Variants in GTF2IRD1 observed in about 807,000 individuals in gnomAD.
GTF2IRD1 encodes GTF2I repeat domain containing 1, also known as general transcription factor II-I repeat domain-containing protein 1.
Under a neutral mutation model 113.2 loss-of-function variants are expected in GTF2IRD1, and 26 were observed. The ratio of observed to expected loss-of-function variants is 0.23; its 90% CI spans 0.17 to 0.32. The LOEUF is 0.32. Ranked by LOEUF, GTF2IRD1 falls within the 10% of genes least tolerant of loss-of-function variation. The pLI, the probability that GTF2IRD1 is intolerant of heterozygous loss-of-function variation, is 1.00. For missense variants in GTF2IRD1, 864 were observed against 1,280.8 expected, an observed-to-expected ratio of 0.67 and a Z score of 4.97; for synonymous variants, 484 against 529.1, an observed-to-expected ratio of 0.91 and a Z score of 1.17.
chr7:74,481,069 C>A (rs79769862), intron 1 of GTF2IRD1, among the ~76,000 whole-genome samples: 26,467 of 152,174 alleles, frequency 0.17, 3,275 homozygotes, highest in African/African-American at 0.35. Context: ...CCTTTGCCCC[C>A]GCCTGGGGCC....
intron 5 of GTF2IRD1, among the ~76,000 whole-genome samples, chr7:74,519,093 A>T (rs1412493872): frequency 6.6e-6 from 1 of 152,210 alleles, no homozygotes; most frequent in Non-Finnish European, 1.5e-5. Context: ...GCCCCAGGCA[A>T]TGCAGAGGCA....
chr7:74,559,197 G>A (rs1799798834), intron 21 of GTF2IRD1, among the ~76,000 whole-genome samples, 153 bp downstream of exon 21: 2 of 152,160 alleles, frequency 1.3e-5, no homozygotes, highest in South Asian at 4.1e-4. Context: ...TGGTTGGAGA[G>A]GGACTGCAGG....
chr7:74,481,890 C>T (rs1265447061), intron 1 of GTF2IRD1, among the ~76,000 whole-genome samples: 2 of 152,218 alleles, frequency 1.3e-5, no homozygotes, highest in South Asian at 2.1e-4. Context: ...GTCACCAAAT[C>T]GCTTGGCTGG....
rs587673071 is a variant in GTF2IRD1 at position 74,559,750 on chromosome 7, G to T, written c.2320+95G>T. 8 of 1,061,014 alleles carry T rather than the reference G, an allele frequency of 7.5e-6. No individual in the cohort carries two copies. In the East Asian group the frequency reaches 1.8e-4, roughly 23 times the overall value. 65.7% of individuals were successfully genotyped at this position (1,061,014 alleles called of 1,614,324 possible). ...AGCCTGCTGTGGGGCACAGGTTCTGGGGTCTGGGAACAGAAGCCAGGCCCC... is the reference window on the plus strand; with the variant it reads ...AGCCTGCTGTGGGGCACAGGTTCTGTGGTCTGGGAACAGAAGCCAGGCCCC... On this transcript the variant is annotated intron_variant, in intron 22 of 26. Coordinates refer to ENST00000424337, the MANE Select transcript of GTF2IRD1 (RefSeq NM_005685.4).
intron 13 of GTF2IRD1, among the ~76,000 whole-genome samples, chr7:74,539,616 C>T (rs1437413518): frequency 1.3e-5 from 2 of 152,006 alleles, no homozygotes; most frequent in South Asian, 2.1e-4. Context: ...TGGTGGCTCA[C>T]GCCTGTAGTC....
chr7:74,600,899 G>T, intron 25 of GTF2IRD1, 145 bp from the exon 26 acceptor site: 1 of 805,890 alleles, frequency 1.2e-6, no homozygotes, highest in East Asian at 2.5e-5. Context: ...GGACAGGTGG[G>T]CCCTGACCCC....
chr7:74,555,907 G>A lies in GTF2IRD1; in HGVS notation c.2023+413G>A, dbSNP rs1208128347. 1.3e-5 allele frequency among the ~76,000 whole-genome samples: 2 copies of A among 152,146 alleles called. No homozygotes were observed. Among genetic ancestry groups the A allele is most frequent in the Admixed American group, 6.6e-5 (1 of 15,258 alleles). Reference sequence around the variant, plus strand: ...GAGGATCGCTTGAGGCTGGGAGCTCGAGACAAGCCTGGACAACATAGAACC... The same window carrying A: ...GAGGATCGCTTGAGGCTGGGAGCTCAAGACAAGCCTGGACAACATAGAACC... On this transcript the variant is annotated intron_variant, in intron 19 of 26. Transcript: ENST00000424337. This position sits in a 1 kb window ranked among gnomAD's most constrained non-coding sequence, Gnocchi z 5.3.
chr7:74,489,911 T>A (rs1230538523), intron 1 of GTF2IRD1, among the ~76,000 whole-genome samples: 1 of 151,884 alleles, frequency 6.6e-6, no homozygotes, highest in South Asian at 2.1e-4. Context: ...TAGCAGGGAG[T>A]GGGGCAGAGG....
At position 74,598,453 on chromosome 7, in the gene GTF2IRD1, C is replaced by CA. The variant is rs879955129; in HGVS notation, c.2630-2578dup. Reference sequence around the variant, plus strand: ...GTGAAACCTTGTCTCTACTAAAATCCAAAAAAAAAAAAATTAGCCGGGGGT... The same window carrying CA: ...GTGAAACCTTGTCTCTACTAAAATCCAAAAAAAAAAAAAATTAGCCGGGGGT... On this transcript the variant is annotated intron_variant, in intron 25 of 26. Coordinates refer to ENST00000424337, the MANE Select transcript of GTF2IRD1 (RefSeq NM_005685.4). Among the ~76,000 whole-genome samples the CA allele has an allele frequency of 7.8e-4, 108 of 138,116 alleles. 2 individuals carry two copies. The highest frequency in any genetic ancestry group is 1.2e-3 in the South Asian group (5 of 4,326). 90.6% of individuals were successfully genotyped at this position (138,116 alleles called of 152,430 possible).
intron 1 of GTF2IRD1, among the ~76,000 whole-genome samples, chr7:74,455,913 C>T (rs1554327117): frequency 6.6e-6 from 1 of 152,212 alleles, no homozygotes; most frequent in Non-Finnish European, 1.5e-5. Flanking sequence ...TTAAAATGTT[C>T]GAGAACTTAA....
At chr7:74,470,297 T>C (rs1319910425) in intron 1 of GTF2IRD1, among the ~76,000 whole-genome samples, 1 of 152,176 alleles carries the variant, frequency 6.6e-6, no homozygotes. Flanking sequence ...AATTCACCAT[T>C]TTAAAATACG....
rs1796702664 is a variant in GTF2IRD1 at position 74,512,614 on chromosome 7, GTCC to G, written c.124-209_124-207del. Among the ~76,000 whole-genome samples the G allele has an allele frequency of 6.8e-6, 1 of 147,462 alleles. No homozygotes were observed. Among genetic ancestry groups the G allele is most frequent in the African/African-American group, 2.6e-5 (1 of 37,768 alleles). ...TTGGAGGGAGGAGCAGAGGACACTT[GTCC>G]TCCTCCACCCCCCATCGCCAATGCC... On this transcript the variant is annotated intron_variant, in intron 2 of 26. Transcript: ENST00000424337. The surrounding 1 kb of genome is among the most constrained non-coding windows in gnomAD (Gnocchi z 4.4).
At chr7:74,476,644 A>C (rs1015797605) in intron 1 of GTF2IRD1, among the ~76,000 whole-genome samples, 1 of 151,738 alleles carries the variant, frequency 6.6e-6, no homozygotes, top group African/African-American at 2.4e-5. Context: ...TCGGTTCCCC[A>C]CCGTACTCTC....
rs1554352434 is a variant in GTF2IRD1, at chr7:74,543,886, A to AAAC, written c.1619-867_1619-866insCAA. On this transcript the variant is annotated intron_variant, in intron 14 of 26. Transcript: ENST00000424337. ...CCCCATCTCTACAAAAAAAAAAAAAAAAAAAAAAAACAATTAGCTGGATGT... is the reference window on the plus strand; with the variant it reads ...CCCCATCTCTACAAAAAAAAAAAAAAAACAAAAAAAAAACAATTAGCTGGATGT... Among the ~76,000 whole-genome samples, 454 of 148,482 alleles carry AAAC rather than the reference A, an allele frequency of 3.1e-3. 6 individuals carry two copies. Among genetic ancestry groups the AAAC allele is most frequent in the African/African-American group, 9.8e-3 (399 of 40,828 alleles).
intron 22 of GTF2IRD1, among the ~76,000 whole-genome samples, chr7:74,568,352 AAAAG>A (rs1263734344): frequency 3.3e-5 from 5 of 150,248 alleles, no homozygotes; most frequent in African/African-American, 1.2e-4. Flanking sequence ...AAAAAAAAAA[AAAAG>A]AAGGAGAAAG....
At chr7:74,465,723 C>T (rs1333285112) in intron 1 of GTF2IRD1, among the ~76,000 whole-genome samples, 5 of 152,156 alleles carry the variant, frequency 3.3e-5, no homozygotes, top group Non-Finnish European at 7.3e-5. Flanking sequence ...GTCTGGGACA[C>T]ACCCCCTCTG....
intron 22 of GTF2IRD1, among the ~76,000 whole-genome samples, chr7:74,577,328 C>T (rs587757023): frequency 2.6e-5 from 4 of 152,256 alleles, no homozygotes; most frequent in Admixed American, 2.6e-4. Context: ...CGTGAGCCAC[C>T]GCGCCCAGCT....
chr7:74,551,920 A>C (rs1220277879), intron 17 of GTF2IRD1, among the ~76,000 whole-genome samples: 1 of 152,066 alleles, frequency 6.6e-6, no homozygotes, highest in Non-Finnish European at 1.5e-5. Flanking sequence ...TGGGTGACAG[A>C]GGGAGACTCT....
intron 1 of GTF2IRD1, among the ~76,000 whole-genome samples, chr7:74,494,825 C>T (rs1167170019): frequency 6.6e-6 from 1 of 152,194 alleles, no homozygotes; most frequent in Non-Finnish European, 1.5e-5. Context: ...GATCACAGTT[C>T]ACTGTAGCCT....
Sources: gnomAD v4.1 joint callset for allele counts (sites outside exome capture counted in the v4.1 genomes callset) on GRCh38, gnomAD v4.1.1 for gene constraint, Gnocchi (gnomAD v3.1) non-coding constraint, MANE v1.5 for transcripts, NCBI Gene and HGNC (gene_info 2026-07-23, HGNC 2026-07-21) for gene names.